Variants in SLC16A10 observed in about 807,000 individuals in gnomAD.
SLC16A10 encodes the protein solute carrier family 16 member 10.
A neutral mutation model predicts 40.0 loss-of-function variants in SLC16A10; 27 were observed. The observed-to-expected ratio is 0.67, with a 90% CI of 0.50 to 0.93. SLC16A10 has a LOEUF of 0.93. Ranked by LOEUF, SLC16A10 falls within the 40% of genes least tolerant of loss-of-function variation. The pLI is 0.00. For missense variants in SLC16A10, 529 were observed against 658.2 expected (o/e 0.80, Z 2.15); for synonymous variants, 213 against 249.8 (o/e 0.85, Z 1.39).
Position 111,153,055 on chromosome 6 carries a change from C to A in SLC16A10, c.344-19640C>A, listed in dbSNP as rs377684160. Among the ~76,000 whole-genome samples, 31 of 152,178 alleles carry A rather than the reference C, an allele frequency of 2.0e-4. No individual in the cohort carries two copies. The South Asian group carries it at 6.0e-3, about 30-fold the overall frequency. ...GTGGTAATTAAGTGCTGGGGAAGAT[C>A]AAGGGAGAGAGAGGGTGCTGAGAGC... On this transcript the variant is annotated intron_variant, in intron 1 of 5. Coordinates refer to ENST00000368851, the MANE Select transcript of SLC16A10 (RefSeq NM_018593.5).
chr6:111,203,751 T>TAAATAAATAAATAAATA (rs1554261471), intron 3 of SLC16A10, among the ~76,000 whole-genome samples: 2 of 147,678 alleles, frequency 1.4e-5, no homozygotes, highest in Admixed American at 6.8e-5. Flanking sequence ...AATAAATAAA[T>TAAATAAATAAATAAATA]AAAATAATGC....
At chr6:111,152,530 A>C (rs1772191492) in intron 1 of SLC16A10, among the ~76,000 whole-genome samples, 1 of 152,240 alleles carries the variant, frequency 6.6e-6, no homozygotes, top group Non-Finnish European at 1.5e-5. Context: ...TCCTTGTCAC[A>C]TAAGAGTTAA....
At position 111,206,737 on chromosome 6, in the gene SLC16A10, T is replaced by C; in HGVS notation, c.1086+2T>C. The C allele has an allele frequency of 6.2e-7, 1 of 1,612,076 alleles. No homozygotes were observed. On this transcript the variant is annotated splice_donor_variant, in intron 4 of 5. Coordinates refer to ENST00000368851, the MANE Select transcript of SLC16A10 (RefSeq NM_018593.5). LOFTEE classifies it high-confidence loss of function. ...GGTGTGAAGAAGGTTTATCTACAGG[T>C]ACTTTTTTACACCTTTTTTCCCCTA... is the stretch of plus-strand genomic sequence containing the variant.
At chr6:111,111,114 G>A (rs1227387374) in intron 1 of SLC16A10, among the ~76,000 whole-genome samples, 1 of 151,776 alleles carries the variant, frequency 6.6e-6, no homozygotes, top group East Asian at 1.9e-4. Context: ...AGGCAAAATT[G>A]CAAATAAAAA....
chr6:111,126,903 C>T (rs1771685376), intron 1 of SLC16A10, among the ~76,000 whole-genome samples: 1 of 152,070 alleles, frequency 6.6e-6, no homozygotes, highest in Non-Finnish European at 1.5e-5. Context: ...AAATGGAGGA[C>T]CTTATAGGAT....
intron 1 of SLC16A10, among the ~76,000 whole-genome samples, chr6:111,152,430 T>C (rs1185831152): frequency 6.6e-6 from 1 of 152,214 alleles, no homozygotes; most frequent in African/African-American, 2.4e-5. Flanking sequence ...GCATACAAAT[T>C]TGATAAATAA....
At chr6:111,218,469 C>G (rs541108977) in intron 4 of SLC16A10, among the ~76,000 whole-genome samples, 3 of 152,124 alleles carry the variant, frequency 2.0e-5, no homozygotes, top group Non-Finnish European at 4.4e-5. Flanking sequence ...GTCCCAGCTA[C>G]TCAGGAGGCT....
intron 3 of SLC16A10, among the ~76,000 whole-genome samples, chr6:111,198,852 C>T (rs969458381): frequency 2.6e-5 from 4 of 152,188 alleles, no homozygotes; most frequent in Non-Finnish European, 5.9e-5. Flanking sequence ...AGCATGTCCC[C>T]TTTTCTTGTT....
intron 3 of SLC16A10, among the ~76,000 whole-genome samples, chr6:111,188,458 A>T (rs900757102): frequency 7.2e-5 from 11 of 152,116 alleles, no homozygotes; most frequent in Non-Finnish European, 1.5e-4. Flanking sequence ...TTCATTCAAA[A>T]ATAGGGTTAT....
chr6:111,100,052 T>C (rs2114437958), intron 1 of SLC16A10, among the ~76,000 whole-genome samples: 1 of 152,106 alleles, frequency 6.6e-6, no homozygotes, highest in Middle Eastern at 3.4e-3. Context: ...TTATTTTTTT[T>C]CAGCATAGAC....
chr6:111,109,836 C>T (rs1771354118), intron 1 of SLC16A10, among the ~76,000 whole-genome samples: 2 of 152,132 alleles, frequency 1.3e-5, no homozygotes, highest in South Asian at 4.2e-4. Flanking sequence ...CTGCTATGAA[C>T]ATTTGTATGC....
At chr6:111,125,769 A>G (rs984493258) in intron 1 of SLC16A10, among the ~76,000 whole-genome samples, 7 of 152,192 alleles carry the variant, frequency 4.6e-5, no homozygotes, top group African/African-American at 1.2e-4. Context: ...ATTTTTATAT[A>G]AAGTAACACC....
chr6:111,128,464 G>A (rs1322043117), intron 1 of SLC16A10, among the ~76,000 whole-genome samples: 2 of 152,116 alleles, frequency 1.3e-5, no homozygotes, highest in Non-Finnish European at 2.9e-5. Context: ...TTAGTGGTCT[G>A]ATAAGAAGAG....
chr6:111,125,682 ATGTT>A (rs1300585460), intron 1 of SLC16A10, among the ~76,000 whole-genome samples: 1 of 152,136 alleles, frequency 6.6e-6, no homozygotes, highest in Non-Finnish European at 1.5e-5. Context: ...TTTATACTGT[ATGTT>A]TGTTATTAGG....
At chr6:111,199,530 A>G (rs779651992) in intron 3 of SLC16A10, among the ~76,000 whole-genome samples, 1 of 152,120 alleles carries the variant, frequency 6.6e-6, no homozygotes, top group Non-Finnish European at 1.5e-5. Flanking sequence ...TAAACCTTTC[A>G]TTGTTCAGGA....
At chr6:111,210,367 A>G (rs1194504375) in intron 4 of SLC16A10, among the ~76,000 whole-genome samples, 1 of 152,226 alleles carries the variant, frequency 6.6e-6, no homozygotes, top group East Asian at 1.9e-4. Flanking sequence ...TGCTGCTTTT[A>G]AAAATGTATT....
rs1239260529 is a variant in SLC16A10, at chr6:111,127,789, G to A, written c.343+39694G>A. On this transcript the variant is annotated intron_variant, in intron 1 of 5. Coordinates refer to ENST00000368851, the MANE Select transcript of SLC16A10 (RefSeq NM_018593.5). The stretch of plus-strand genomic sequence containing the variant: ...TCTAACAGTCCGAAGGGGCATGAAG[G>A]GTGGAAACAGAGTAGAGGGAAATGG... Among the ~76,000 whole-genome samples the A allele has an allele frequency of 3.3e-5, 5 of 152,146 alleles. No individual in the cohort carries two copies. In the East Asian group the frequency reaches 9.6e-4, roughly 29 times the overall value.
At chr6:111,111,879 T>C (rs1771392598) in intron 1 of SLC16A10, among the ~76,000 whole-genome samples, 1 of 152,230 alleles carries the variant, frequency 6.6e-6, no homozygotes, top group Admixed American at 6.5e-5. Flanking sequence ...CAATTTTAAT[T>C]TGAGGCATGA....
chr6:111,118,681 A>AG (rs1771532281), intron 1 of SLC16A10, among the ~76,000 whole-genome samples: 1 of 126,240 alleles, frequency 7.9e-6, no homozygotes, highest in Non-Finnish European at 1.8e-5. Context: ...CTCCGTCTCA[A>AG]AAAAAAAAAA....
Sources: gnomAD v4.1 joint callset for allele counts (sites outside exome capture counted in the v4.1 genomes callset) on GRCh38, gnomAD v4.1.1 for gene constraint, MANE v1.5 for transcripts, NCBI Gene and HGNC (gene_info 2026-07-23, HGNC 2026-07-21) for gene names.